The following UBE3C variants were observed in gnomAD, a reference collection of about 807,000 sequenced individuals.
UBE3C encodes the protein ubiquitin-protein ligase E3C.
Under a neutral mutation model 129.4 loss-of-function variants are expected in UBE3C, and 42 were observed. That is an observed-to-expected ratio of 0.32 (90% CI 0.25 to 0.42). UBE3C has a LOEUF of 0.42. Among genes scored for constraint, UBE3C ranks in the 10% least tolerant of loss-of-function variants. UBE3C has a pLI of 1.00. For missense variants in UBE3C, 1,049 were observed against 1,319.1 expected (o/e 0.80, Z 3.17); for synonymous variants, 510 against 492.4 (o/e 1.04, Z -0.47).
At chr7:157,225,218 T>C (rs1182364) in intron 16 of UBE3C, among the ~76,000 whole-genome samples, 189 bp from the exon 17 acceptor site, 80,072 of 151,986 alleles carry the variant, frequency 0.53, 23,615 homozygotes, top group Non-Finnish European at 0.66. Flanking sequence ...TTTAGAAATA[T>C]TTAAATATGA....
intron 8 of UBE3C, among the ~76,000 whole-genome samples, chr7:157,183,427 T>C (rs929043415): frequency 6.6e-6 from 1 of 152,132 alleles, no homozygotes; most frequent in Non-Finnish European, 1.5e-5. Context: ...CTCCACACTC[T>C]CGGCACCTCC....
At chr7:157,173,108 T>C (rs1177835290) in intron 4 of UBE3C, among the ~76,000 whole-genome samples, 1 of 152,212 alleles carries the variant, frequency 6.6e-6, no homozygotes, top group Non-Finnish European at 1.5e-5. Flanking sequence ...ACACAGTGGC[T>C]CAGGCCTGTA....
At chr7:157,153,528 A>C (rs1198395342) in intron 1 of UBE3C, among the ~76,000 whole-genome samples, 1 of 152,090 alleles carries the variant, frequency 6.6e-6, no homozygotes, top group Non-Finnish European at 1.5e-5. Context: ...ACCGAGCTCA[A>C]TTGATCCTCC....
intron 19 of UBE3C, among the ~76,000 whole-genome samples, chr7:157,250,948 C>G (rs1167724122): frequency 6.6e-6 from 1 of 152,284 alleles, no homozygotes; most frequent in Non-Finnish European, 1.5e-5. Context: ...TGCAAGAATT[C>G]CATTAAAGCA....
intron 6 of UBE3C, 58 bp downstream of exon 6, chr7:157,178,905 G>C (rs569312639): frequency 3.2e-6 from 5 of 1,582,154 alleles, no homozygotes; most frequent in Non-Finnish European, 4.3e-6. Context: ...AGTGAGCAGA[G>C]GCCAGCCTGC....
intron 11 of UBE3C, among the ~76,000 whole-genome samples, chr7:157,205,828 A>G (rs1809418076): frequency 6.6e-6 from 1 of 152,170 alleles, no homozygotes; most frequent in African/African-American, 2.4e-5. Context: ...AGGTGCACAT[A>G]TGGGTTCCTT....
chr7:157,203,934 G>A (rs1563054787), intron 11 of UBE3C, among the ~76,000 whole-genome samples: 2 of 152,270 alleles, frequency 1.3e-5, no homozygotes, highest in South Asian at 2.1e-4. Context: ...TACCTAAAAC[G>A]TGCTCAAAAT....
At chr7:157,183,114 T>C (rs1375422453) in intron 8 of UBE3C, among the ~76,000 whole-genome samples, 2 of 152,168 alleles carry the variant, frequency 1.3e-5, no homozygotes, top group Non-Finnish European at 2.9e-5. Flanking sequence ...GGGGTTTTTT[T>C]TCCCACACAC....
At chr7:157,184,140 C>T in intron 9 of UBE3C, 111 bp downstream of exon 9, 1 of 1,413,840 alleles carries the variant, frequency 7.1e-7, no homozygotes, top group Non-Finnish European at 9.5e-7. Flanking sequence ...CCTCAAGCAG[C>T]CTTTGCAGAG....
chr7:157,242,822 C>T (rs1439916714), intron 18 of UBE3C, among the ~76,000 whole-genome samples: 1 of 151,978 alleles, frequency 6.6e-6, no homozygotes, highest in Non-Finnish European at 1.5e-5. Flanking sequence ...TTTGGGAGGC[C>T]AAGGCGGGAG....
intron 11 of UBE3C, among the ~76,000 whole-genome samples, chr7:157,205,082 T>TG (rs1334187196): frequency 6.6e-6 from 1 of 152,226 alleles, no homozygotes; most frequent in Non-Finnish European, 1.5e-5. Flanking sequence ...GTTGCAGACT[T>TG]TATTTGCACA....
At chr7:157,155,191 A>ACG (rs934224321) in intron 1 of UBE3C, among the ~76,000 whole-genome samples, 31 of 152,168 alleles carry the variant, frequency 2.0e-4, no homozygotes, top group African/African-American at 6.7e-4. Flanking sequence ...CCCCCTCCAC[A>ACG]CGCACACACA....
At chr7:157,227,588 T>G (rs1795914761) in intron 17 of UBE3C, among the ~76,000 whole-genome samples, 1 of 151,834 alleles carries the variant, frequency 6.6e-6, no homozygotes, top group South Asian at 2.1e-4. Context: ...TAGTCCCACC[T>G]ACTCAGGAGG....
At chr7:157,170,496 T>C in intron 4 of UBE3C, 46 bp downstream of exon 4, 1 of 1,439,700 alleles carries the variant, frequency 6.9e-7, no homozygotes, top group Non-Finnish European at 9.2e-7. Context: ...ACACGTGTTC[T>C]GCTTTTTTGT....
intron 8 of UBE3C, 86 bp from the exon 9 acceptor site, chr7:157,183,792 G>A: frequency 6.8e-7 from 1 of 1,476,642 alleles, no homozygotes; most frequent in Non-Finnish European, 9.2e-7. Context: ...ATGCCTCTCT[G>A]CGTGTGAGGA....
rs141100307 is a variant in UBE3C at position 157,146,926 on chromosome 7, C to T, written c.66+7588C>T. On this transcript the variant is annotated intron_variant, in intron 1 of 22. Coordinates refer to ENST00000348165, the MANE Select transcript of UBE3C (RefSeq NM_014671.3). ...TCAGCCTCCCAAAGTGCTGGGGTTA[C>T]GGGAGTGAGACACCGCGCCCAACCA... Among the ~76,000 whole-genome samples, 201 of 152,292 alleles carry T rather than the reference C, an allele frequency of 1.3e-3. 1 individual carries two copies. Among genetic ancestry groups the T allele is most frequent in the Non-Finnish European group, 2.0e-3 (138 of 68,024 alleles).
chr7:157,178,453 G>A (rs950455796), intron 5 of UBE3C, among the ~76,000 whole-genome samples: 1 of 152,036 alleles, frequency 6.6e-6, no homozygotes, highest in Non-Finnish European at 1.5e-5. Flanking sequence ...CATTTTTCTT[G>A]TCTGTGAACT....
intron 1 of UBE3C, among the ~76,000 whole-genome samples, chr7:157,158,958 G>A (rs1165319822): frequency 6.6e-6 from 1 of 152,150 alleles, no homozygotes; most frequent in Non-Finnish European, 1.5e-5. Context: ...TTTTTGTATT[G>A]AAAACACAGT....
chr7:157,200,374 A>G lies in UBE3C; in HGVS notation c.1332-1347A>G, dbSNP rs547479175. Among the ~76,000 whole-genome samples, 5 of 152,350 alleles carry G rather than the reference A, an allele frequency of 3.3e-5. No homozygotes were observed. In the East Asian group the frequency reaches 5.8e-4, roughly 18 times the overall value. The stretch of plus-strand genomic sequence containing the variant: ...CCTATGGTGTACTCAGAAAGTGCCA[A>G]TATGGAACAATGCATTTGATGTTTT... On this transcript the variant is annotated intron_variant, in intron 10 of 22. Transcript: ENST00000348165.
Sources: allele counts gnomAD v4.1 joint callset (sites outside exome capture counted in the v4.1 genomes callset), GRCh38; gene constraint gnomAD v4.1.1; transcripts MANE v1.5; gene names NCBI Gene and HGNC (gene_info 2026-07-23, HGNC 2026-07-21).